The following ARID4B variants were observed in gnomAD, a reference collection of about 807,000 sequenced individuals.
ARID4B encodes AT-rich interactive domain-containing protein 4B.
In ARID4B, 26 loss-of-function variants were observed where a neutral mutation model predicts 147.5. The ratio of observed to expected loss-of-function variants is 0.18; its 90% CI spans 0.13 to 0.24. The LOEUF (loss-of-function observed/expected upper bound fraction) is 0.24. Among genes scored for constraint, ARID4B ranks in the 10% least tolerant of loss-of-function variants. ARID4B has a pLI of 1.00. For synonymous variants in ARID4B, 512 were observed against 507.9 expected (o/e 1.01, Z -0.11); for missense variants, 1,179 against 1,511.5 (o/e 0.78, Z 3.65).
chr1:235,325,677 GATTTGTGACTAA>G (rs1267668104), intron 2 of ARID4B, among the ~76,000 whole-genome samples: 2 of 152,184 alleles, frequency 1.3e-5, no homozygotes, highest in African/African-American at 4.8e-5. Flanking sequence ...TTATAGCTAG[GATTTGTGACTAA>G]CAAAAGGGAT....
chr1:235,236,862 ATTTTTTTTTTTT>A (rs869157061), intron 8 of ARID4B, among the ~76,000 whole-genome samples: 6 of 17,490 alleles, frequency 3.4e-4, no homozygotes, highest in African/African-American at 1.3e-3. Context: ...ATATATATAT[ATTTTTTTTTTTT>A]TTTTTTTTTT....
chr1:235,316,503 C>A (rs1194458797), intron 2 of ARID4B, among the ~76,000 whole-genome samples: 1 of 140,310 alleles, frequency 7.1e-6, no homozygotes. Flanking sequence ...AGCAAGACTT[C>A]GTCTCAAAAA....
At chr1:235,262,807 T>C (rs1183588247) in intron 2 of ARID4B, among the ~76,000 whole-genome samples, 9 of 152,166 alleles carry the variant, frequency 5.9e-5, no homozygotes, top group Middle Eastern at 3.4e-3. Context: ...TCTCAATTAA[T>C]TAAAAAAAAA....
rs770703537 is a variant in ARID4B at position 235,182,103 on chromosome 1, G to A, written c.2816C>T (p.Thr939Met). Residue 939 changes from threonine to methionine, a missense_variant, in exon 20 of 24, where the codon ACG becomes ATG. Transcript: ENST00000264183. ...AGAGTCTGAAAAAAGCTCTTTCAGC[G>A]TTTTTTTAGGCCACTGTCCCTGAAT... ...SSIQGQWPKK[T>M]LKELFSDSDT... 16 of 1,613,960 alleles carry A rather than the reference G, an allele frequency of 9.9e-6. No homozygotes were observed. In the Admixed American group the frequency reaches 1.5e-4, roughly 15 times the overall value.
At chr1:235,241,195 A>G (rs1668956395) in intron 7 of ARID4B, among the ~76,000 whole-genome samples, 1 of 152,238 alleles carries the variant, frequency 6.6e-6, no homozygotes, top group African/African-American at 2.4e-5. Context: ...TCTAATAAAG[A>G]ATCAGCACCA....
rs1558280238 is a variant in ARID4B at position 235,287,269 on chromosome 1, A to AT, written c.7-26518_7-26517insA. 4.1e-4 allele frequency among the ~76,000 whole-genome samples: 56 copies of AT among 136,044 alleles called. 1 individual carries two copies. Among genetic ancestry groups the AT allele is most frequent in the Admixed American group, 3.7e-3 (47 of 12,674 alleles). The allele number at this position is 136,044 out of a possible 152,430, so 89.3% of individuals were successfully genotyped here. A position where few individuals can be genotyped will look rare whatever the true frequency, so the allele number is the denominator to read the frequency against. On this transcript the variant is annotated intron_variant, in intron 2 of 23. Transcript: ENST00000264183. Reference sequence around the variant, plus strand: ...GTAAGACTCTGTCTCAGAAAAAATAAATTTTTTTTTTTTACCTTTTTTCTC... The same window carrying AT: ...GTAAGACTCTGTCTCAGAAAAAATAATATTTTTTTTTTTTACCTTTTTTCTC...
chr1:235,241,498 T>A (rs1668976798), intron 7 of ARID4B, among the ~76,000 whole-genome samples: 2 of 152,146 alleles, frequency 1.3e-5, no homozygotes, highest in South Asian at 4.1e-4. Flanking sequence ...TATATTCCAA[T>A]ATAAATGTAA....
At chr1:235,194,608 G>T (rs993333426) in intron 18 of ARID4B, among the ~76,000 whole-genome samples, 1 of 152,076 alleles carries the variant, frequency 6.6e-6, no homozygotes, top group African/African-American at 2.4e-5. Context: ...ATCACCTGAG[G>T]TCAGGAGGTC....
At position 235,167,247 on chromosome 1, in the gene ARID4B, C is replaced by G. The variant is rs1477598233; in HGVS notation, c.*1278G>C. The stretch of plus-strand genomic sequence containing the variant: ...GGAAACAAAGAAAACATGCCAGCCC[C>G]ATCCAAAAAAAGTACACAGAACTAC... On this transcript the variant is annotated 3_prime_UTR_variant, in exon 24 of 24. Transcript: ENST00000264183. The G allele has an allele frequency of 9.3e-6, 2 of 214,196 alleles. No individual in the cohort carries two copies. Among genetic ancestry groups the G allele is most frequent in the Non-Finnish European group, 1.9e-5 (2 of 105,882 alleles). The allele number at this position is 214,196 out of a possible 1,614,324, so 13.3% of individuals were successfully genotyped here.
intron 13 of ARID4B, 92 bp from the exon 14 acceptor site, chr1:235,221,754 T>C (rs1280834765): frequency 3.7e-6 from 2 of 539,416 alleles, no homozygotes; most frequent in East Asian, 3.1e-5. Context: ...TATATTTTTA[T>C]ATTTATTGGT....
intron 22 of ARID4B, among the ~76,000 whole-genome samples, chr1:235,174,912 T>C (rs1267724054): frequency 2.0e-5 from 3 of 152,012 alleles, no homozygotes; most frequent in Non-Finnish European, 4.4e-5. Context: ...GAGACCATCC[T>C]GGCCAACATG....
chr1:235,312,531 C>A (rs1336133943), intron 2 of ARID4B, among the ~76,000 whole-genome samples: 1 of 152,070 alleles, frequency 6.6e-6, no homozygotes, highest in African/African-American at 2.4e-5. Context: ...ATAAAAATTT[C>A]TTTAATTTTG....
rs190127222 is a variant in ARID4B at position 235,242,145 on chromosome 1, G to A, written c.447-1694C>T. Among the ~76,000 whole-genome samples the A allele has an allele frequency of 1.5e-3, 226 of 152,086 alleles. 1 individual carries two copies. The highest frequency in any genetic ancestry group is 5.3e-3 in the African/African-American group (218 of 41,456). Reference sequence around the variant, plus strand: ...TGCCTGTAATCCCAGCTACTCTGGAGGCTGAGGCAGGAGAATTGCCTGAAC... The same window carrying A: ...TGCCTGTAATCCCAGCTACTCTGGAAGCTGAGGCAGGAGAATTGCCTGAAC... On this transcript the variant is annotated intron_variant, in intron 7 of 23. Transcript: ENST00000264183.
rs1358441903 is a variant in ARID4B, at chr1:235,173,781, T to A, written c.3665-1017A>T. 3.2e-3 allele frequency among the ~76,000 whole-genome samples: 151 copies of A among 46,964 alleles called. 6 individuals are homozygous for A. The highest frequency in any genetic ancestry group is 0.014 in the African/African-American group (106 of 7,374). 30.8% of individuals were successfully genotyped at this position (46,964 alleles called of 152,430 possible). A position where few individuals can be genotyped will look rare whatever the true frequency, so the allele number is the denominator to read the frequency against. ...AAAAAAAAAAAAAAAAATATATATA[T>A]ATATATATATATATATATATATATA... On this transcript the variant is annotated intron_variant, in intron 22 of 23. Transcript: ENST00000264183.
At chr1:235,313,712 A>C (rs1168593329) in intron 2 of ARID4B, among the ~76,000 whole-genome samples, 1 of 152,216 alleles carries the variant, frequency 6.6e-6, no homozygotes, top group African/African-American at 2.4e-5. Flanking sequence ...ACAAGGAAAG[A>C]CGGGAGCAAA....
chr1:235,201,727 T>C (rs1397074529), intron 17 of ARID4B, among the ~76,000 whole-genome samples: 2 of 151,854 alleles, frequency 1.3e-5, no homozygotes, highest in South Asian at 4.2e-4. Flanking sequence ...CTACTAAAAA[T>C]ACAAAAATCA....
rs1301690129 is a variant in ARID4B, at chr1:235,194,203, T to C, written c.1935A>G (p.Leu645=). ...IKHRKKIKNK[L]DKEKDKDEKY... Reference sequence around the variant, plus strand: ...TTTCATCTTTGTCTTTTTCTTTGTCTAATTTATTCTAGGTTAAGAAAAAAA... The same window carrying C: ...TTTCATCTTTGTCTTTTTCTTTGTCCAATTTATTCTAGGTTAAGAAAAAAA... Residue 645 remains leucine, a synonymous_variant, in exon 19 of 24, where the codon TTA becomes TTG. Transcript: ENST00000264183. 9 of 1,601,728 alleles carry C rather than the reference T, an allele frequency of 5.6e-6. No individual in the cohort carries two copies. The highest frequency in any genetic ancestry group is 1.7e-4 in the Middle Eastern group (1 of 6,052).
At chr1:235,206,659 G>A (rs1420310860) in intron 17 of ARID4B, among the ~76,000 whole-genome samples, 4 of 152,146 alleles carry the variant, frequency 2.6e-5, no homozygotes, top group East Asian at 1.9e-4. Context: ...AGCATATCAC[G>A]GAAGGAGTGA....
intron 2 of ARID4B, among the ~76,000 whole-genome samples, chr1:235,299,655 G>A (rs1672988867): frequency 6.6e-6 from 1 of 152,198 alleles, no homozygotes; most frequent in African/African-American, 2.4e-5. Context: ...GGTATCATTT[G>A]AGATCTGAAT....
Sources: gnomAD v4.1 joint callset for allele counts (sites outside exome capture counted in the v4.1 genomes callset) on GRCh38, gnomAD v4.1.1 for gene constraint, MANE v1.5 for transcripts, NCBI Gene and HGNC (gene_info 2026-07-23, HGNC 2026-07-21) for gene names.